The following ANGPTL4 variants were observed in gnomAD, a reference collection of about 807,000 sequenced individuals.
ANGPTL4 encodes angiopoietin like 4.
ANGPTL4 carries 39 observed loss-of-function variants against 39.2 expected under a neutral mutation model. That is an observed-to-expected ratio of 1.00 (90% CI 0.77 to 1.30). The LOEUF is 1.30. Among genes scored for constraint, ANGPTL4 ranks in the 50% most tolerant of loss-of-function variants. The probability of loss-of-function intolerance (pLI) is 0.00; values close to 1 mark genes in which losing one functional copy is unlikely to be tolerated. For missense variants in ANGPTL4, 545 were observed against 549.8 expected, an observed-to-expected ratio of 0.99 and a Z score of 0.09; for synonymous variants, 233 against 229.5, an observed-to-expected ratio of 1.02 and a Z score of -0.14.
chr19:8,368,849 G>A lies in ANGPTL4; in HGVS notation c.548-370G>A, dbSNP rs985059783. ...CAGCCTGGCGACAGAGCGAGACTCC[G>A]TATCAAAAAACAAAACAAAAAAAGA... On this transcript the variant is annotated intron_variant, in intron 3 of 6. Transcript: ENST00000301455. Among the ~76,000 whole-genome samples, 7 of 152,108 alleles carry A rather than the reference G, an allele frequency of 4.6e-5. No individual in the cohort carries two copies. In the East Asian group the frequency reaches 7.7e-4, roughly 17 times the overall value.
intron 4 of ANGPTL4, among the ~76,000 whole-genome samples, chr19:8,369,925 C>T (rs12974716): frequency 0.096 from 14,570 of 151,916 alleles, 954 homozygotes; most frequent in Middle Eastern, 0.15. Context: ...AAAAAAAAGG[C>T]CAAGTGCAGT....
chr19:8,365,918 AGCTGGGT>A (rs756972923), intron 1 of ANGPTL4, 29 bp from the exon 2 acceptor site: 16 of 1,552,856 alleles, frequency 1.0e-5, no homozygotes, highest in Admixed American at 1.7e-5. Flanking sequence ...GGGGTAGGCA[AGCTGGGT>A]CCTCACCAAG....
rs1033145581 is a variant in ANGPTL4 at position 8,373,712 on chromosome 19, G to T, written c.1047G>T (p.Trp349Cys). ...CTCCCCTGACCCCGGCAGGAGGCTG[G>T]TGGTTTGGCACCTGCAGCCATTCCA... ...KNCAKSLSGG[W>C]WFGTCSHSNL... The change falls in exon 7 of 7, where the codon TGG becomes TGT. Residue 349 changes from tryptophan (W) to cysteine (C), a missense_variant. Trp to Cys is a radical substitution (Grantham distance 215, BLOSUM62 -2). Coordinates refer to ENST00000301455, the MANE Select transcript of ANGPTL4 (RefSeq NM_139314.3). 1.2e-6 allele frequency: 2 copies of T among 1,613,822 alleles called. No individual in the cohort carries two copies. The highest frequency in any genetic ancestry group is 2.7e-5 in the African/African-American group (2 of 74,952).
rs913954371 is a variant in ANGPTL4 at position 8,364,226 on chromosome 19, G to A, written c.-96G>A. 1 of 1,311,922 alleles carries A rather than the reference G, an allele frequency of 7.6e-7. No individual in the cohort carries two copies. The highest frequency in any genetic ancestry group is 1.0e-6 in the Non-Finnish European group (1 of 965,532). 81.3% of individuals were successfully genotyped at this position (1,311,922 alleles called of 1,614,324 possible). A position where few individuals can be genotyped will look rare whatever the true frequency, so the allele number is the denominator to read the frequency against. On this transcript the variant is annotated 5_prime_UTR_variant, in exon 1 of 7. Transcript: ENST00000301455. ...TCCAGCGGCTTCTGCAACCAAGCGG[G>A]TCTTACCCCCGGTCCTCCGCGTCTC... is the stretch of plus-strand genomic sequence containing the variant.
In ANGPTL4 at chr19:8,364,563, A is replaced by G. The variant is rs534435434; in HGVS notation, c.242A>G (p.Gln81Arg). The G allele has an allele frequency of 1.3e-5, 21 of 1,582,682 alleles. No homozygotes were observed. The South Asian group carries it at 2.1e-4, about 16-fold the overall frequency. Residue 81 changes from glutamine (Q) to arginine (R), a missense_variant, in exon 1 of 7, where the codon CAG (glutamine) becomes CGG (arginine). Physicochemically the swap from Gln to Arg is conservative, Grantham distance 43. Transcript: ENST00000301455. ...RRLSACGSAC[Q>R]GTEGSTDLPL... is the part of the protein sequence containing the mutation. ...CTGAGCGCGTGCGGGTCCGCCTGTC[A>G]GGGAACCGAGGGGTCCACCGACCTC... is the stretch of plus-strand genomic sequence containing the variant.
chr19:8,374,096 T>C lies in ANGPTL4; in HGVS notation c.*210T>C, dbSNP rs1971185615. ...CTCCTGAGATCGAGGCTGCAGGATA[T>C]GCTCAGACTCTAGAGGCGTGGACCA... On this transcript the variant is annotated 3_prime_UTR_variant, in exon 7 of 7. Coordinates refer to ENST00000301455, the MANE Select transcript of ANGPTL4 (RefSeq NM_139314.3). 2 of 591,532 alleles carry C rather than the reference T, an allele frequency of 3.4e-6. No homozygotes were observed. Among genetic ancestry groups the C allele is most frequent in the African/African-American group, 3.7e-5 (2 of 53,522 alleles). 36.6% of individuals were successfully genotyped at this position (591,532 alleles called of 1,614,324 possible). A position where few individuals can be genotyped will look rare whatever the true frequency, so the allele number is the denominator to read the frequency against.
At chr19:8,373,094 C>A (rs1971156176) in intron 6 of ANGPTL4, among the ~76,000 whole-genome samples, 1 of 152,018 alleles carries the variant, frequency 6.6e-6, no homozygotes, top group African/African-American at 2.4e-5. Flanking sequence ...CATGGTGAAA[C>A]CCTGTCTCTA....
At position 8,364,501 on chromosome 19, in the gene ANGPTL4, G is replaced by A. The variant is rs1599666381; in HGVS notation, c.180G>A (p.Glu60=). The stretch of plus-strand genomic sequence containing the variant: ...GCCAGGGGCTGCGCGAACACGCGGA[G>A]CGCACCCGCAGTCAGCTGAGCGCGC... ...QLGQGLREHA[E]RTRSQLSALE... is the part of the protein sequence containing the mutation. Residue 60 remains glutamate (E), a synonymous_variant, in exon 1 of 7, where the codon GAG becomes GAA. Coordinates refer to ENST00000301455, the MANE Select transcript of ANGPTL4 (RefSeq NM_139314.3). 1 of 1,564,230 alleles carries A rather than the reference G, an allele frequency of 6.4e-7. No homozygotes were observed. Among genetic ancestry groups the A allele is most frequent in the Non-Finnish European group, 8.7e-7 (1 of 1,155,606 alleles).
chr19:8,373,691 C>T lies in ANGPTL4; in HGVS notation c.1040-14C>T. 1 of 1,613,856 alleles carries T rather than the reference C, an allele frequency of 6.2e-7. No individual in the cohort carries two copies. The highest frequency in any genetic ancestry group is 1.1e-5 in the South Asian group (1 of 91,070). The stretch of plus-strand genomic sequence containing the variant: ...AAAGACCTGACCATGTTCCCTCTCC[C>T]CTGACCCCGGCAGGAGGCTGGTGGT... On this transcript the variant is annotated splice_polypyrimidine_tract_variant and intron_variant, in intron 6 of 6. Coordinates refer to ENST00000301455, the MANE Select transcript of ANGPTL4 (RefSeq NM_139314.3).
intron 3 of ANGPTL4, among the ~76,000 whole-genome samples, chr19:8,367,641 G>A (rs548215531): frequency 6.6e-6 from 1 of 151,932 alleles, no homozygotes; most frequent in African/African-American, 2.4e-5. Flanking sequence ...AGTCTGGAGC[G>A]TCTGAGCCTC....
At chr19:8,369,145 A>G in intron 3 of ANGPTL4, 74 bp from the exon 4 acceptor site, 2 of 1,202,608 alleles carry the variant, frequency 1.7e-6, no homozygotes, top group Non-Finnish European at 2.4e-6. Flanking sequence ...TTAAGCCCCC[A>G]GATATGCCTG....
chr19:8,364,353 T>A lies in ANGPTL4; in HGVS notation c.32T>A (p.Leu11Gln). 1.9e-6 allele frequency: 3 copies of A among 1,549,142 alleles called. No homozygotes were observed. Among genetic ancestry groups the A allele is most frequent in the Non-Finnish European group, 1.7e-6 (2 of 1,151,612 alleles). ...GGTGCTCCGACGGCCGGGGCAGCCC[T>A]GATGCTCTGCGCCGCCACCGCCGTG... is the stretch of plus-strand genomic sequence containing the variant. MSGAPTAGAA[L>Q]MLCAATAVLL... The change falls in exon 1 of 7, where the codon CTG (leucine) becomes CAG (glutamine). Residue 11 changes from leucine (L) to glutamine (Q), a missense_variant. By Grantham distance (113) the Leu-to-Gln change is moderately radical (BLOSUM62 -2). Coordinates refer to ENST00000301455, the MANE Select transcript of ANGPTL4 (RefSeq NM_139314.3).
At chr19:8,369,088 G>A (rs985392758) in intron 3 of ANGPTL4, 131 bp from the exon 4 acceptor site, 2 of 674,534 alleles carry the variant, frequency 3.0e-6, no homozygotes, top group Middle Eastern at 4.1e-4. Flanking sequence ...TGGCAGAGAG[G>A]TGGTCATGAG....
chr19:8,373,611 A>T, intron 6 of ANGPTL4, 94 bp from the exon 7 acceptor site: 1 of 1,570,436 alleles, frequency 6.4e-7, no homozygotes, highest in South Asian at 1.1e-5. Flanking sequence ...CCTGGTCCCC[A>T]ACCTGCCTCA....
At chr19:8,365,835 A>C (rs907314959) in intron 1 of ANGPTL4, 119 bp from the exon 2 acceptor site, 1 of 803,224 alleles carries the variant, frequency 1.2e-6, no homozygotes, top group Non-Finnish European at 2.1e-6. Flanking sequence ...AAAAAGAAAA[A>C]AGAAAGACTC....
intron 6 of ANGPTL4, 130 bp from the exon 7 acceptor site, chr19:8,373,575 A>C: frequency 7.8e-7 from 1 of 1,287,850 alleles, no homozygotes; most frequent in Middle Eastern, 2.7e-4. Context: ...AATCTCAAAA[A>C]AAAAAAAGTC....
chr19:8,373,464 G>A (rs1233280958), intron 6 of ANGPTL4, among the ~76,000 whole-genome samples: 8 of 151,750 alleles, frequency 5.3e-5, no homozygotes, highest in East Asian at 1.9e-4. Context: ...CCAGCTACTC[G>A]GGAGGCTGAG....
At chr19:8,368,312 C>A (rs7255436) in intron 3 of ANGPTL4, among the ~76,000 whole-genome samples, 83,122 of 151,912 alleles carry the variant, frequency 0.55, 23,699 homozygotes, top group African/African-American at 0.67. Flanking sequence ...CGGCCCATTC[C>A]TCAAGTCTTT....
intron 4 of ANGPTL4, among the ~76,000 whole-genome samples, chr19:8,370,261 C>T (rs1310520096): frequency 6.6e-6 from 1 of 152,026 alleles, no homozygotes; most frequent in Non-Finnish European, 1.5e-5. Flanking sequence ...TCAGCCCTTG[C>T]TGGGCATGGT....
Sources: gnomAD v4.1 joint callset for allele counts (sites outside exome capture counted in the v4.1 genomes callset) on GRCh38, gnomAD v4.1.1 for gene constraint, MANE v1.5 for transcripts, NCBI Gene and HGNC (gene_info 2026-07-23, HGNC 2026-07-21) for gene names.